Variants in TPD52 observed in about 807,000 individuals in gnomAD.
The protein encoded by TPD52 is prostate and colon associated protein.
Under a neutral mutation model 31.3 loss-of-function variants are expected in TPD52, and 17 were observed. The ratio of observed to expected loss-of-function variants is 0.54; its 90% confidence interval spans 0.37 to 0.82. The LOEUF is 0.82. Ranked by LOEUF, TPD52 falls within the 40% of genes least tolerant of loss-of-function variation. TPD52 has a pLI of 0.00. For missense variants in TPD52, 212 were observed against 240.1 expected (o/e 0.88, Z 0.77); for synonymous variants, 83 against 89.6 (o/e 0.93, Z 0.42).
rs75094689 is a variant in TPD52 at position 80,093,134 on chromosome 8, C to T, written c.20-28541G>A. Among the ~76,000 whole-genome samples the T allele has an allele frequency of 5.5e-3, 836 of 152,150 alleles. 6 individuals carry two copies. Among genetic ancestry groups the T allele is most frequent in the African/African-American group, 0.018 (760 of 41,500 alleles). On this transcript the variant is annotated intron_variant, in intron 1 of 7. Transcript: ENST00000518937. ...CGGCTGTGTCACAACAGGGTGTGCA[C>T]ATGCTTGGTCTTTTCAACGGGATAA... is the stretch of plus-strand genomic sequence containing the variant.
chr8:80,124,169 T>G (rs1563643424), intron 1 of TPD52, among the ~76,000 whole-genome samples: 7 of 84,076 alleles, frequency 8.3e-5, no homozygotes, highest in African/African-American at 6.8e-4. Context: ...TCTCTCTCTT[T>G]TTGTTTTTTT....
At chr8:80,102,351 T>C (rs1478931769) in intron 1 of TPD52, among the ~76,000 whole-genome samples, 2 of 152,178 alleles carry the variant, frequency 1.3e-5, no homozygotes, top group Non-Finnish European at 2.9e-5. Context: ...GATCACTACA[T>C]GTCAGCTGGT....
At chr8:80,157,105 G>A (rs1445276695) in intron 1 of TPD52, among the ~76,000 whole-genome samples, 1 of 152,116 alleles carries the variant, frequency 6.6e-6, no homozygotes, top group Non-Finnish European at 1.5e-5. Context: ...TTGAAAAGCT[G>A]GTTGCCTCAT....
At chr8:80,041,478 T>A (rs1232819250) in intron 7 of TPD52, among the ~76,000 whole-genome samples, 1 of 152,130 alleles carries the variant, frequency 6.6e-6, no homozygotes, top group Admixed American at 6.6e-5. Context: ...ATATCCCCTA[T>A]AATTATCAGA....
At chr8:80,147,334 G>A (rs1810263624) in intron 1 of TPD52, among the ~76,000 whole-genome samples, 2 of 152,140 alleles carry the variant, frequency 1.3e-5, no homozygotes, top group African/African-American at 4.8e-5. Context: ...ATAGGAGAAT[G>A]AGGTTCCGGG....
Position 80,171,481 on chromosome 8 carries a change from C to A in TPD52, c.-38G>T, listed in dbSNP as rs770168989. On this transcript the variant is annotated 5_prime_UTR_variant, in exon 1 of 8. Coordinates refer to ENST00000518937, the MANE Select transcript of TPD52 (RefSeq NM_001025253.3). Reference sequence around the variant, plus strand: ...CCGCCTCGTGTCCTCTGCAGCACCCCCGCCTGCAGCCCGTCCCGGCTCGGA... The same window carrying A: ...CCGCCTCGTGTCCTCTGCAGCACCCACGCCTGCAGCCCGTCCCGGCTCGGA... 7.7e-6 allele frequency: 12 copies of A among 1,558,360 alleles called. No individual in the cohort carries two copies. The African/African-American group carries it at 1.0e-4, about 13-fold the overall frequency.
At chr8:80,066,037 C>G (rs1297275148) in intron 1 of TPD52, among the ~76,000 whole-genome samples, 2 of 151,388 alleles carry the variant, frequency 1.3e-5, no homozygotes, top group East Asian at 3.9e-4. Flanking sequence ...TTCCCTGCTA[C>G]CCCCCAGGAC....
chr8:80,128,880 TG>T (rs1183858298), intron 1 of TPD52, among the ~76,000 whole-genome samples: 35 of 151,838 alleles, frequency 2.3e-4, no homozygotes, highest in African/African-American at 6.5e-4. Flanking sequence ...TTTTTACATC[TG>T]GGTTTTTTTT....
intron 2 of TPD52, among the ~76,000 whole-genome samples, chr8:80,063,818 T>C (rs972800975): frequency 6.8e-6 from 1 of 147,186 alleles, no homozygotes; most frequent in African/African-American, 2.5e-5. Context: ...TATAATAAAA[T>C]GGTTAATTTT....
intron 1 of TPD52, among the ~76,000 whole-genome samples, chr8:80,165,261 TG>T (rs1464051674): frequency 2.0e-5 from 3 of 152,192 alleles, no homozygotes; most frequent in African/African-American, 7.2e-5. Context: ...CACATGCTGG[TG>T]GAAGTATAAC....
At chr8:80,071,626 T>A (rs1813797102) in intron 1 of TPD52, among the ~76,000 whole-genome samples, 1 of 152,078 alleles carries the variant, frequency 6.6e-6, no homozygotes, top group Non-Finnish European at 1.5e-5. Context: ...GTTTTTCTCT[T>A]CCTACCTCTC....
At chr8:80,066,812 A>G (rs929467865) in intron 1 of TPD52, 10 of 152,246 alleles carry the variant, frequency 6.6e-5, no homozygotes, top group African/African-American at 2.4e-4. Flanking sequence ...ATGTGAAGAA[A>G]GTTGTATGAG....
At chr8:80,040,565 C>T (rs1810287773) in intron 7 of TPD52, among the ~76,000 whole-genome samples, 1 of 152,146 alleles carries the variant, frequency 6.6e-6, no homozygotes, top group South Asian at 2.1e-4. Context: ...GACTTCATTA[C>T]AATTTATAGA....
At chr8:80,052,537 G>T in intron 3 of TPD52, 1 of 1,026,498 alleles carries the variant, frequency 9.7e-7, no homozygotes, top group Non-Finnish European at 1.3e-6. Flanking sequence ...GGGGACTCAA[G>T]TACTGTCATG....
intron 1 of TPD52, among the ~76,000 whole-genome samples, chr8:80,109,493 G>A (rs1807359666): frequency 6.6e-6 from 1 of 152,076 alleles, no homozygotes; most frequent in Non-Finnish European, 1.5e-5. Flanking sequence ...TGCAACCTCC[G>A]CCTCCCAGGT....
At chr8:80,144,740 C>T (rs991543822) in intron 1 of TPD52, among the ~76,000 whole-genome samples, 1 of 152,206 alleles carries the variant, frequency 6.6e-6, no homozygotes, top group African/African-American at 2.4e-5. Context: ...TTGGGGCAGA[C>T]AGGTGTTGGA....
At chr8:80,086,341 T>C (rs1020571222) in intron 1 of TPD52, among the ~76,000 whole-genome samples, 8 of 151,452 alleles carry the variant, frequency 5.3e-5, no homozygotes, top group Non-Finnish European at 1.0e-4. Context: ...ATGGTCTCGA[T>C]CTCCTGACCT....
At chr8:80,139,722 A>T (rs930951088) in intron 1 of TPD52, among the ~76,000 whole-genome samples, 1 of 152,190 alleles carries the variant, frequency 6.6e-6, no homozygotes, top group African/African-American at 2.4e-5. Context: ...TGCATTATAC[A>T]CTTAAAAATT....
intron 1 of TPD52, among the ~76,000 whole-genome samples, chr8:80,086,693 G>A (rs1815806490): frequency 1.3e-5 from 2 of 151,750 alleles, no homozygotes; most frequent in South Asian, 2.1e-4. Context: ...GGCCAATATG[G>A]TGAATCCCCG....
Sources: gnomAD v4.1 joint callset for allele counts (sites outside exome capture counted in the v4.1 genomes callset) on GRCh38, gnomAD v4.1.1 for gene constraint, MANE v1.5 for transcripts, NCBI Gene and HGNC (gene_info 2026-07-23, HGNC 2026-07-21) for gene names.